RFX8: variants seen among roughly 807,000 people sequenced by gnomAD.
The protein encoded by RFX8 is regulatory factor X8, also known as DNA-binding protein RFX8.
A neutral mutation model predicts 54.6 loss-of-function variants in RFX8; 46 were observed. The observed-to-expected ratio is 0.84, with a 90% CI of 0.67 to 1.08. The LOEUF (loss-of-function observed/expected upper bound fraction) is 1.08. Among genes scored for constraint, RFX8 ranks in the 50% least tolerant of loss-of-function variants. The probability of loss-of-function intolerance (pLI) is 0.00; values close to 1 mark genes in which losing one functional copy is unlikely to be tolerated. For synonymous variants in RFX8, 192 were observed against 209.5 expected (o/e 0.92, Z 0.72); for missense variants, 536 against 562.3 (o/e 0.95, Z 0.47).
intron 2 of RFX8, among the ~76,000 whole-genome samples, chr2:101,454,748 G>GT (rs377453130): frequency 1.5e-4 from 23 of 152,036 alleles, no homozygotes; most frequent in African/African-American, 5.6e-4. Flanking sequence ...GGGGTTGTTT[G>GT]TTTTTTTCTT....
At chr2:101,405,269 C>G (rs1485813102) in intron 10 of RFX8, among the ~76,000 whole-genome samples, 2 of 151,946 alleles carry the variant, frequency 1.3e-5, no homozygotes, top group African/African-American at 4.8e-5. Context: ...GCCTCAAGCT[C>G]CTGAGTTGCT....
intron 2 of RFX8, among the ~76,000 whole-genome samples, chr2:101,441,400 T>C (rs931930036): frequency 2.6e-5 from 4 of 152,176 alleles, no homozygotes; most frequent in South Asian, 2.1e-4. Context: ...ATCATGGGAA[T>C]GAGACTGGTG....
chr2:101,428,387 G>A (rs1395303473), intron 2 of RFX8, among the ~76,000 whole-genome samples: 6 of 152,322 alleles, frequency 3.9e-5, no homozygotes, highest in South Asian at 2.1e-4. Flanking sequence ...CGTGAGACAC[G>A]ATGAGGAGTC....
In RFX8 at chr2:101,437,689, C is replaced by T. The variant is rs184553811; in HGVS notation, c.73-15217G>A. Among the ~76,000 whole-genome samples, 10 of 152,240 alleles carry T rather than the reference C, an allele frequency of 6.6e-5. No individual in the cohort carries two copies. In the East Asian group the frequency reaches 1.7e-3, roughly 26 times the overall value. On this transcript the variant is annotated intron_variant, in intron 2 of 11. Coordinates refer to ENST00000428343, the MANE Select transcript of RFX8 (RefSeq NM_001145664.2). ...TCTCTTTTACACCCTGTTTAGTTTCCCCCGATGGTTACATTTTACAAAAAC... is the reference window on the plus strand; with the variant it reads ...TCTCTTTTACACCCTGTTTAGTTTCTCCCGATGGTTACATTTTACAAAAAC...
intron 2 of RFX8, among the ~76,000 whole-genome samples, chr2:101,437,620 A>G (rs1191948148): frequency 6.6e-6 from 1 of 152,104 alleles, no homozygotes; most frequent in Non-Finnish European, 1.5e-5. Context: ...AGGAAGAGAA[A>G]AGAAAAGAAA....
chr2:101,404,485 C>A (rs1685615360), intron 10 of RFX8, among the ~76,000 whole-genome samples: 1 of 152,138 alleles, frequency 6.6e-6, no homozygotes, highest in Non-Finnish European at 1.5e-5. Flanking sequence ...GGCTGGAGTG[C>A]AGTGGCACAA....
intron 8 of RFX8, among the ~76,000 whole-genome samples, chr2:101,411,744 G>T (rs1289423200): frequency 6.6e-6 from 1 of 152,176 alleles, no homozygotes; most frequent in Non-Finnish European, 1.5e-5. Context: ...TGGAATTGGG[G>T]TCAGCCAAGG....
chr2:101,473,181 T>C (rs976667713), intron 1 of RFX8, among the ~76,000 whole-genome samples: 1 of 152,194 alleles, frequency 6.6e-6, no homozygotes, highest in East Asian at 1.9e-4. Flanking sequence ...AGGAGGATGT[T>C]CAGGTATTTT....
chr2:101,458,120 G>A (rs1216401324), intron 2 of RFX8, among the ~76,000 whole-genome samples: 1 of 152,036 alleles, frequency 6.6e-6, no homozygotes, highest in African/African-American at 2.4e-5. Flanking sequence ...ACATGAGATG[G>A]GTCTCCTGAA....
intron 9 of RFX8, 61 bp downstream of exon 9, chr2:101,410,558 G>A: frequency 2.4e-6 from 2 of 829,688 alleles, no homozygotes; most frequent in Non-Finnish European, 3.9e-6. Flanking sequence ...TTAGGCAATG[G>A]GCACTCATTT....
At chr2:101,423,283 A>G (rs17025544) in intron 2 of RFX8, among the ~76,000 whole-genome samples, 24,746 of 149,480 alleles carry the variant, frequency 0.17, 2,348 homozygotes, top group African/African-American at 0.25. Flanking sequence ...AAAAGAAGCA[A>G]TTACAGGATG....
intron 2 of RFX8, among the ~76,000 whole-genome samples, chr2:101,440,545 G>GCAAA (rs1688038954): frequency 6.6e-6 from 1 of 151,294 alleles, no homozygotes; most frequent in Non-Finnish European, 1.5e-5. Context: ...TCATTGCTGG[G>GCAAA]GGAGGAGTGA....
intron 2 of RFX8, among the ~76,000 whole-genome samples, chr2:101,423,275 A>AAG (rs1232588284): frequency 6.6e-6 from 1 of 151,696 alleles, no homozygotes; most frequent in East Asian, 1.9e-4. Context: ...AAAAAAAAAA[A>AAG]AGAAGCAATT....
chr2:101,408,554 G>A (rs569179116), intron 9 of RFX8, among the ~76,000 whole-genome samples: 3 of 152,030 alleles, frequency 2.0e-5, no homozygotes, highest in South Asian at 2.1e-4. Flanking sequence ...AATGGACAGC[G>A]CCTGTCTGTG....
intron 2 of RFX8, chr2:101,452,342 C>T: frequency 8.9e-7 from 1 of 1,117,634 alleles, no homozygotes; most frequent in Non-Finnish European, 1.2e-6. Flanking sequence ...TTTCCAAATC[C>T]TTGTTTTTAA....
intron 2 of RFX8, 56 bp from the exon 3 acceptor site, chr2:101,422,528 A>C (rs1415584136): frequency 2.8e-6 from 3 of 1,055,284 alleles, no homozygotes; most frequent in Non-Finnish European, 4.3e-6. Flanking sequence ...TTTTTTTGGC[A>C]TATAAATCTT....
At chr2:101,419,817 T>C (rs1396163985) in intron 4 of RFX8, among the ~76,000 whole-genome samples, 3 of 152,142 alleles carry the variant, frequency 2.0e-5, no homozygotes, top group Admixed American at 6.5e-5. Context: ...AGAGGACTTC[T>C]CCAAAGAGAC....
intron 2 of RFX8, among the ~76,000 whole-genome samples, chr2:101,462,975 C>CA (rs1689363478): frequency 6.6e-6 from 1 of 152,146 alleles, no homozygotes; most frequent in African/African-American, 2.4e-5. Context: ...AGAGGCCATG[C>CA]AGTACTCATG....
chr2:101,399,310 G>A (rs1685297459), intron 11 of RFX8, among the ~76,000 whole-genome samples: 1 of 152,194 alleles, frequency 6.6e-6, no homozygotes, highest in Admixed American at 6.5e-5. Context: ...CTGAATAATG[G>A]ATGCAATGAA....
Sources: gnomAD v4.1 joint callset for allele counts (sites outside exome capture counted in the v4.1 genomes callset) on GRCh38, gnomAD v4.1.1 for gene constraint, MANE v1.5 for transcripts, NCBI Gene and HGNC (gene_info 2026-07-23, HGNC 2026-07-21) for gene names.